Variants in PRMT9 observed in about 807,000 individuals in gnomAD.
PRMT9 encodes protein arginine N-methyltransferase 9.
PRMT9 carries 59 observed loss-of-function variants against 83.2 expected under a neutral mutation model. The observed-to-expected ratio is 0.71, with a 90% CI of 0.57 to 0.88. The LOEUF (loss-of-function observed/expected upper bound fraction) is 0.88, where lower values mean the gene tolerates loss of function less well. Among genes scored for constraint, PRMT9 ranks in the 40% least tolerant of loss-of-function variants. The probability of loss-of-function intolerance (pLI) is 0.00; values close to 1 mark genes in which losing one functional copy is unlikely to be tolerated. For synonymous variants in PRMT9, 333 were observed against 353.2 expected (o/e 0.94, Z 0.64); for missense variants, 947 against 1,021.9 (o/e 0.93, Z 1.00).
At chr4:147,658,033 A>AC (rs1734659758) in intron 7 of PRMT9, 58 bp from the exon 8 acceptor site, 1 of 1,175,368 alleles carries the variant, frequency 8.5e-7, no homozygotes, top group East Asian at 2.5e-5. Flanking sequence ...TACTTGCCTC[A>AC]GTATCTTACC....
chr4:147,642,572 C>T (rs1208067755), intron 10 of PRMT9, among the ~76,000 whole-genome samples: 1 of 152,158 alleles, frequency 6.6e-6, no homozygotes, highest in Admixed American at 6.5e-5. Context: ...GCAGTCATGA[C>T]AAAATTCCTT....
intron 8 of PRMT9, among the ~76,000 whole-genome samples, chr4:147,657,294 G>A (rs1376141009): frequency 6.6e-6 from 1 of 152,058 alleles, no homozygotes; most frequent in East Asian, 1.9e-4. Context: ...GGGAGGCCGA[G>A]GTGGGTGGAT....
chr4:147,659,570 C>G (rs1246984300), intron 7 of PRMT9, among the ~76,000 whole-genome samples: 2 of 50,180 alleles, frequency 4.0e-5, no homozygotes, highest in East Asian at 1.6e-3. Flanking sequence ...TCTTTGGGCA[C>G]TTTCTTTTCT....
At position 147,654,373 on chromosome 4, in the gene PRMT9, G is replaced by A. The variant is rs1240283986; in HGVS notation, c.1524C>T (p.Thr508=). Residue 508 remains threonine (T), a synonymous_variant, in exon 9 of 12, where the codon ACC becomes ACT. Coordinates refer to ENST00000322396, the MANE Select transcript of PRMT9 (RefSeq NM_138364.4). ...TCTGCTCTACAGCATCTGGTTTACT[G>A]GTCTGAAGGTTAGCGAGGGCACTAC... ...ELCSALANLQ[T]SKPDAVEQTC... The A allele has an allele frequency of 6.2e-7, 1 of 1,614,122 alleles. No homozygotes were observed. The highest frequency in any genetic ancestry group is 1.1e-5 in the South Asian group (1 of 91,076).
At chr4:147,670,561 G>C in intron 5 of PRMT9, 80 bp downstream of exon 5, 1 of 961,648 alleles carries the variant, frequency 1.0e-6, no homozygotes, top group African/African-American at 1.6e-5. Context: ...ATATTGTTTT[G>C]TAAATATACT....
Position 147,654,162 on chromosome 4 carries a change from G to C in PRMT9, c.1735C>G (p.Leu579Val). Residue 579 changes from leucine to valine, a missense_variant, in exon 9 of 12, where the codon CTT (leucine) becomes GTT (valine). Physicochemically the swap from Leu to Val is conservative, Grantham distance 32. Coordinates refer to ENST00000322396, the MANE Select transcript of PRMT9 (RefSeq NM_138364.4). ...ACATCTAACACGTAGAAAGGTTCAAGGATGTTCTGTACAGTATTACTCTGT... is the reference window on the plus strand; with the variant it reads ...ACATCTAACACGTAGAAAGGTTCAACGATGTTCTGTACAGTATTACTCTGT... ...TGQSNTVQNI[L>V]EPFYVLDVSE... The C allele has an allele frequency of 6.2e-7, 1 of 1,614,200 alleles. No individual in the cohort carries two copies. The highest frequency in any genetic ancestry group is 8.5e-7 in the Non-Finnish European group (1 of 1,180,036).
intron 6 of PRMT9, among the ~76,000 whole-genome samples, chr4:147,664,717 T>C (rs1204311640): frequency 2.0e-5 from 3 of 152,114 alleles, no homozygotes; most frequent in Non-Finnish European, 2.9e-5. Flanking sequence ...GATGGGTTGA[T>C]AGGTGCGGCA....
intron 5 of PRMT9, among the ~76,000 whole-genome samples, chr4:147,669,000 C>T (rs914949313): frequency 1.3e-5 from 2 of 151,994 alleles, no homozygotes; most frequent in East Asian, 1.9e-4. Context: ...GCAGGAGAAT[C>T]GCTTGAACCC....
intron 6 of PRMT9, among the ~76,000 whole-genome samples, chr4:147,665,273 G>A (rs1474170260): frequency 6.6e-6 from 1 of 152,056 alleles, no homozygotes; most frequent in Non-Finnish European, 1.5e-5. Flanking sequence ...ATCTATTGAT[G>A]ATTCTTGCCT....
At chr4:147,653,137 T>C (rs1033293688) in intron 9 of PRMT9, among the ~76,000 whole-genome samples, 2 of 152,118 alleles carry the variant, frequency 1.3e-5, no homozygotes, top group African/African-American at 4.8e-5. Flanking sequence ...GCAATAAGCA[T>C]ACAGACCTAT....
rs973958597 is a variant in PRMT9, at chr4:147,660,785, A to G, written c.1146+61T>C. 5 of 1,059,196 alleles carry G rather than the reference A, an allele frequency of 4.7e-6. No individual in the cohort carries two copies. In the African/African-American group the frequency reaches 7.8e-5, roughly 17 times the overall value. The allele number at this position is 1,059,196 out of a possible 1,614,324, so 65.6% of individuals were successfully genotyped here. A position where few individuals can be genotyped will look rare whatever the true frequency, so the allele number is the denominator to read the frequency against. ...ATAAAATAAAGACTGTCTGTCCTAT[A>G]TATTATTTTAAACAATGCATGAAAT... On this transcript the variant is annotated intron_variant, in intron 7 of 11. Coordinates refer to ENST00000322396, the MANE Select transcript of PRMT9 (RefSeq NM_138364.4).
chr4:147,683,891 C>G lies in PRMT9; in HGVS notation c.97G>C (p.Glu33Gln). The change falls in exon 1 of 12, where the codon GAG becomes CAG. Residue 33 changes from glutamate (E) to glutamine (Q), a missense_variant. Coordinates refer to ENST00000322396, the MANE Select transcript of PRMT9 (RefSeq NM_138364.4). ...AAGTCCTGGACGCCCAGACAGTGCT[C>G]TGCGCTCTGCAAGGACCGCGACACC... is the stretch of plus-strand genomic sequence containing the variant. ...ELVSRSLQSA[E>Q]HCLGVQDFGT... 1 of 1,613,672 alleles carries G rather than the reference C, an allele frequency of 6.2e-7. No homozygotes were observed. The highest frequency in any genetic ancestry group is 8.5e-7 in the Non-Finnish European group (1 of 1,179,994).
chr4:147,648,235 A>G (rs1392561614), intron 9 of PRMT9, among the ~76,000 whole-genome samples: 1 of 152,020 alleles, frequency 6.6e-6, no homozygotes, highest in Non-Finnish European at 1.5e-5. Flanking sequence ...TGGCAAGATT[A>G]GAGGATTGGG....
chr4:147,682,108 C>A (rs985705093), intron 1 of PRMT9, among the ~76,000 whole-genome samples: 1 of 152,138 alleles, frequency 6.6e-6, no homozygotes, highest in Non-Finnish European at 1.5e-5. Context: ...CGAGTTCAAG[C>A]AATTCTTCTG....
chr4:147,640,651 TC>T (rs1166355342), intron 10 of PRMT9, among the ~76,000 whole-genome samples: 1 of 152,142 alleles, frequency 6.6e-6, no homozygotes, highest in African/African-American at 2.4e-5. Context: ...AAACTATTCT[TC>T]CAGCTGCTTT....
intron 8 of PRMT9, among the ~76,000 whole-genome samples, chr4:147,655,815 C>T (rs1389906617): frequency 6.6e-6 from 1 of 152,166 alleles, no homozygotes; most frequent in African/African-American, 2.4e-5. Flanking sequence ...AGGCATAAGC[C>T]ACTAAGCCCA....
chr4:147,638,462 C>CA lies in PRMT9; in HGVS notation c.*69dup. ...ATTACAAGGAATTTTTATATACCCC[C>CA]ACTAATTAAGACAAGAATTTTGTAC... On this transcript the variant is annotated 3_prime_UTR_variant, in exon 12 of 12. Coordinates refer to ENST00000322396, the MANE Select transcript of PRMT9 (RefSeq NM_138364.4). 8.9e-7 allele frequency: 1 copy of CA among 1,124,030 alleles called. No individual in the cohort carries two copies. The highest frequency in any genetic ancestry group is 1.4e-6 in the Non-Finnish European group (1 of 737,694). The allele number at this position is 1,124,030 out of a possible 1,614,324, so 69.6% of individuals were successfully genotyped here. A position where few individuals can be genotyped will look rare whatever the true frequency, so the allele number is the denominator to read the frequency against.
chr4:147,658,754 C>G (rs1358947232), intron 7 of PRMT9, among the ~76,000 whole-genome samples: 1 of 152,162 alleles, frequency 6.6e-6, no homozygotes, highest in East Asian at 1.9e-4. Flanking sequence ...CAGATCTCCT[C>G]AAGAACAATG....
intron 7 of PRMT9, among the ~76,000 whole-genome samples, chr4:147,659,557 A>G (rs1734792175): frequency 7.0e-6 from 1 of 142,820 alleles, no homozygotes; most frequent in African/African-American, 2.6e-5. Context: ...AACCTTTCCA[A>G]TTTCTTTGGG....
Sources: allele counts gnomAD v4.1 joint callset (sites outside exome capture counted in the v4.1 genomes callset), GRCh38; gene constraint gnomAD v4.1.1; transcripts MANE v1.5; gene names NCBI Gene and HGNC (gene_info 2026-07-23, HGNC 2026-07-21).